The following SNX2 variants were observed in gnomAD, a reference collection of about 807,000 sequenced individuals.
SNX2 encodes sorting nexin 2.
Under a neutral mutation model 69.9 loss-of-function variants are expected in SNX2, and 25 were observed. The observed-to-expected ratio is 0.36, with a 90% CI of 0.26 to 0.50. The LOEUF (loss-of-function observed/expected upper bound fraction) is 0.50, where lower values mean the gene tolerates loss of function less well. Ranked by LOEUF, SNX2 falls within the 20% of genes least tolerant of loss-of-function variation. SNX2 has a pLI of 0.97. For missense variants in SNX2, 551 were observed against 613.3 expected (o/e 0.90, Z 1.07); for synonymous variants, 229 against 200.4 (o/e 1.14, Z -1.20).
In SNX2 at chr5:122,821,808, T is replaced by C. The variant is rs1469347024; in HGVS notation, c.1212+2785T>C. On this transcript the variant is annotated intron_variant, in intron 11 of 14. Transcript: ENST00000379516. ...CATTCCATCATATAACATTTAGATA[T>C]ACCTTGAATTATAGTCTAGTCTTTT... Among the ~76,000 whole-genome samples the C allele has an allele frequency of 2.0e-5, 3 of 152,310 alleles. No homozygotes were observed. In the South Asian group the frequency reaches 6.2e-4, roughly 32 times the overall value.
At chr5:122,819,862 G>A (rs796134028) in intron 11 of SNX2, among the ~76,000 whole-genome samples, 17 of 152,202 alleles carry the variant, frequency 1.1e-4, no homozygotes, top group African/African-American at 4.1e-4. Context: ...CATCTACAAT[G>A]AGCATATTTA....
Position 122,803,610 on chromosome 5 carries a change from G to C in SNX2, c.640G>C (p.Val214Leu). 3 of 1,597,924 alleles carry C rather than the reference G, an allele frequency of 1.9e-6. No individual in the cohort carries two copies. Among genetic ancestry groups the C allele is most frequent in the Non-Finnish European group, 2.6e-6 (3 of 1,174,090 alleles). Residue 214 changes from valine to leucine, a missense_variant, in exon 6 of 15, where the codon GTA becomes CTA. Val to Leu is a conservative substitution (Grantham distance 32). Around this residue, in one of 2 missense-constraint regions of SNX2, gnomAD observed 360 missense variants for 450.4 expected, o/e 0.80. Coordinates refer to ENST00000379516, the MANE Select transcript of SNX2 (RefSeq NM_003100.4). ...GCCACCAGCTCCAGAAAAGAGTATA[G>C]TAGGTAAGCACAAATTTTTCAAAAA... is the stretch of plus-strand genomic sequence containing the variant. ...IVPPAPEKSIVGMTKVKVGKE... is the reference protein window; with the variant it reads ...IVPPAPEKSILGMTKVKVGKE...
At chr5:122,797,923 G>A (rs1046569772) in intron 2 of SNX2, among the ~76,000 whole-genome samples, 1 of 152,226 alleles carries the variant, frequency 6.6e-6, no homozygotes, top group South Asian at 2.1e-4. Context: ...GAATGAAGCA[G>A]CCTGTTAGTG....
chr5:122,790,272 C>G (rs1045881068), intron 1 of SNX2, among the ~76,000 whole-genome samples: 1 of 152,224 alleles, frequency 6.6e-6, no homozygotes, highest in Admixed American at 6.5e-5. Flanking sequence ...GTATGCGCCA[C>G]TATGCCTGGC....
At chr5:122,801,181 C>A (rs1195439718) in intron 3 of SNX2, among the ~76,000 whole-genome samples, 1 of 151,980 alleles carries the variant, frequency 6.6e-6, no homozygotes, top group Non-Finnish European at 1.5e-5. Flanking sequence ...TTGAAAAATG[C>A]TAGTATTAAA....
intron 6 of SNX2, among the ~76,000 whole-genome samples, chr5:122,807,443 C>A (rs1753683468): frequency 6.6e-6 from 1 of 152,162 alleles, no homozygotes; most frequent in African/African-American, 2.4e-5. Flanking sequence ...AATTTACTTT[C>A]TTTCTCTAAG....
intron 14 of SNX2, among the ~76,000 whole-genome samples, chr5:122,829,316 T>G (rs1391043483): frequency 6.6e-6 from 1 of 152,058 alleles, no homozygotes; most frequent in Admixed American, 6.5e-5. Context: ...GCTATTCTTG[T>G]ACCTCAGCCT....
intron 7 of SNX2, among the ~76,000 whole-genome samples, chr5:122,812,059 T>A (rs755260856): frequency 9.9e-5 from 15 of 152,188 alleles, no homozygotes; most frequent in Non-Finnish European, 2.1e-4. Context: ...ACCAGTCTAC[T>A]GACTGAGTCC....
chr5:122,807,211 G>T (rs953252638), intron 6 of SNX2, among the ~76,000 whole-genome samples: 1 of 151,892 alleles, frequency 6.6e-6, no homozygotes, highest in Non-Finnish European at 1.5e-5. Flanking sequence ...GCAGTGAACC[G>T]TGATCATGCC....
At chr5:122,818,673 CTAAT>C (rs1753952855) in intron 10 of SNX2, 141 bp from the exon 11 acceptor site, 1 of 656,546 alleles carries the variant, frequency 1.5e-6, no homozygotes, top group Non-Finnish European at 2.5e-6. Flanking sequence ...ATTTTAACGA[CTAAT>C]TGTTTCATAT....
At chr5:122,775,452 C>T (rs1752834735) in intron 1 of SNX2, 2 of 1,203,994 alleles carry the variant, frequency 1.7e-6, no homozygotes, top group Non-Finnish European at 2.1e-6. Flanking sequence ...GGGGCCAGAA[C>T]CGAACCGAGC....
In SNX2 at chr5:122,826,112, C is replaced by T. The variant is rs762099657; in HGVS notation, c.1275C>T (p.Leu425=). ...GGGAAGATGCTCAAATTACTTTGCTCAAAAAACGTGAAGCTGAAGCAAAAA... is the reference window on the plus strand; with the variant it reads ...GGGAAGATGCTCAAATTACTTTGCTTAAAAAACGTGAAGCTGAAGCAAAAA... The part of the protein sequence containing the change: ...QKWEDAQITL[L]KKREAEAKMM... The change falls in exon 12 of 15, where the codon CTC becomes CTT. Residue 425 remains leucine (L), a synonymous_variant. Coordinates refer to ENST00000379516, the MANE Select transcript of SNX2 (RefSeq NM_003100.4). The T allele has an allele frequency of 2.4e-5, 39 of 1,612,966 alleles. No homozygotes were observed. In the Admixed American group the frequency reaches 5.0e-4, roughly 21 times the overall value.
intron 1 of SNX2, among the ~76,000 whole-genome samples, chr5:122,782,573 C>T (rs970096905): frequency 1.1e-4 from 16 of 150,826 alleles, no homozygotes; most frequent in South Asian, 2.1e-4. Flanking sequence ...TCTCACTCTG[C>T]TGCCCAGGCT....
intron 6 of SNX2, among the ~76,000 whole-genome samples, chr5:122,806,171 C>CACACACACACACACACACACACACACA (rs1477439641): frequency 6.8e-6 from 1 of 147,918 alleles, no homozygotes; most frequent in African/African-American, 2.5e-5. Flanking sequence ...CACACACAGC[C>CACACACACACACACACACACACACACA]CACCATTCCA....
chr5:122,820,723 T>A (rs973273092), intron 11 of SNX2, among the ~76,000 whole-genome samples: 1 of 152,172 alleles, frequency 6.6e-6, no homozygotes, highest in Non-Finnish European at 1.5e-5. Flanking sequence ...AAATATTTTC[T>A]ATAGAACACT....
At chr5:122,811,266 G>T (rs1180339275) in intron 7 of SNX2, among the ~76,000 whole-genome samples, 1 of 152,164 alleles carries the variant, frequency 6.6e-6, no homozygotes, top group Non-Finnish European at 1.5e-5. Context: ...GTATTCCCCT[G>T]TGCCACACTC....
Position 122,817,420 on chromosome 5 carries a change from A to G in SNX2, c.1006+47A>G, listed in dbSNP as rs758904917. On this transcript the variant is annotated intron_variant, in intron 10 of 14. Transcript: ENST00000379516. ...CGTAGTTAGCACCATAAAACTAATG[A>G]AAATATTTTATTTAAATTTTATGAA... is the stretch of plus-strand genomic sequence containing the variant. 4 of 1,131,676 alleles carry G rather than the reference A, an allele frequency of 3.5e-6. No individual in the cohort carries two copies. The South Asian group carries it at 6.3e-5, about 18-fold the overall frequency. The allele number at this position is 1,131,676 out of a possible 1,614,324, so 70.1% of individuals were successfully genotyped here.
At chr5:122,792,521 C>T (rs111951651) in intron 1 of SNX2, among the ~76,000 whole-genome samples, 24 of 150,886 alleles carry the variant, frequency 1.6e-4, no homozygotes, top group Admixed American at 6.6e-4. Flanking sequence ...CGCTTGAACC[C>T]GGGAGGTGGA....
chr5:122,807,195 G>A (rs1321818646), intron 6 of SNX2, among the ~76,000 whole-genome samples: 1 of 151,998 alleles, frequency 6.6e-6, no homozygotes, highest in Non-Finnish European at 1.5e-5. Flanking sequence ...CTGGGATATA[G>A]GGGCTGCAGT....
Sources: allele counts gnomAD v4.1 joint callset (sites outside exome capture counted in the v4.1 genomes callset), GRCh38; gene constraint gnomAD v4.1.1; regional missense constraint gnomAD v4.1.1; transcripts MANE v1.5; gene names NCBI Gene and HGNC (gene_info 2026-07-23, HGNC 2026-07-21).